Variants in CACNA1S observed in about 807,000 individuals in gnomAD.
CACNA1S encodes voltage-dependent L-type calcium channel subunit alpha-1S.
A neutral mutation model predicts 207.4 loss-of-function variants in CACNA1S; 126 were observed. The ratio of observed to expected loss-of-function variants is 0.61; its 90% CI spans 0.53 to 0.70. The LOEUF is 0.70. Ranked by LOEUF, CACNA1S falls within the 30% of genes least tolerant of loss-of-function variation. The pLI is 0.00. For synonymous variants in CACNA1S, 960 were observed against 932.7 expected, an observed-to-expected ratio of 1.03 and a Z score of -0.53; for missense variants, 2,349 against 2,422.8, an observed-to-expected ratio of 0.97 and a Z score of 0.64.
At position 201,112,251 on chromosome 1, in the gene CACNA1S, G is replaced by GCC; in HGVS notation, c.87_88dup (p.Ala30GlyfsTer6). ...GTTCTCCAGGGTCAGGCAGAACAAG[G>GCC]CCCGGGGTGGCCTTGGCAGAATCTC... On this transcript the variant is annotated frameshift_variant, in exon 1 of 44. Transcript: ENST00000362061. LOFTEE classifies it high-confidence loss of function. The GCC allele has an allele frequency of 6.2e-7, 1 of 1,614,024 alleles. No individual in the cohort carries two copies. Among genetic ancestry groups the GCC allele is most frequent in the South Asian group, 1.1e-5 (1 of 91,082 alleles).
intron 2 of CACNA1S, 134 bp from the exon 3 acceptor site, chr1:201,094,155 G>A: frequency 1.0e-6 from 1 of 969,348 alleles, no homozygotes; most frequent in Non-Finnish European, 1.6e-6. Flanking sequence ...CTTGCTGATG[G>A]AATGCCTACC....
At chr1:201,074,765 G>T in intron 13 of CACNA1S, 145 bp from the exon 14 acceptor site, 1 of 711,540 alleles carries the variant, frequency 1.4e-6, no homozygotes, top group Non-Finnish European at 2.6e-6. Context: ...GGACATAGTG[G>T]AAGGCCCTCA....
intron 16 of CACNA1S, 85 bp from the exon 17 acceptor site, chr1:201,070,489 C>A: frequency 6.3e-7 from 1 of 1,584,330 alleles, no homozygotes; most frequent in Non-Finnish European, 8.6e-7. Flanking sequence ...CTCCTAGGAG[C>A]CCCTGCAGCC....
rs556686664 is a variant in CACNA1S at position 201,108,268 on chromosome 1, G to T, written c.258+1896C>A. ...CAAGAGGCATGCACCACCAGGCCCC[G>T]CTAATTCAATTTTTGTAGAGACGGG... On this transcript the variant is annotated intron_variant, in intron 2 of 43. Transcript: ENST00000362061. Among the ~76,000 whole-genome samples, 280 of 152,114 alleles carry T rather than the reference G, an allele frequency of 1.8e-3. 1 individual carries two copies. Among genetic ancestry groups the T allele is most frequent in the African/African-American group, 6.5e-3 (271 of 41,478 alleles).
rs148724065 is a variant in CACNA1S at position 201,043,405 on chromosome 1, C to T, written c.4924G>A (p.Val1642Ile). The T allele has an allele frequency of 6.2e-6, 10 of 1,614,040 alleles. No individual in the cohort carries two copies. In the African/African-American group the frequency reaches 1.3e-4, roughly 22 times the overall value. Reference sequence around the variant, plus strand: ...TCTTGTGGGAAGTCCTCCAAGAAGACAGGTGACTCCATCTCTTCCATCTCT... The same window carrying T: ...TCTTGTGGGAAGTCCTCCAAGAAGATAGGTGACTCCATCTCTTCCATCTCT... ...EIEMEEMESP[V>I]FLEDFPQDPR... Residue 1642 changes from valine (V) to isoleucine (I), a missense_variant, in exon 40 of 44, where the codon GTC (valine) becomes ATC (isoleucine). Transcript: ENST00000362061.
intron 6 of CACNA1S, among the ~76,000 whole-genome samples, chr1:201,088,784 G>A (rs1662120831): frequency 6.6e-6 from 1 of 152,184 alleles, no homozygotes; most frequent in African/African-American, 2.4e-5. Flanking sequence ...TTGACTGTGT[G>A]CCGGGCACTG....
chr1:201,095,522 GAAACCTCCAA>G (rs1662392747), intron 2 of CACNA1S, among the ~76,000 whole-genome samples: 1 of 152,196 alleles, frequency 6.6e-6, no homozygotes, highest in African/African-American at 2.4e-5. Flanking sequence ...TATGGCTCCA[GAAACCTCCAA>G]ACTTGTCATT....
rs1206136692 is a variant in CACNA1S at position 201,048,627 on chromosome 1, T to C, written c.4396A>G (p.Thr1466Ala). The C allele has an allele frequency of 2.5e-6, 4 of 1,613,946 alleles. No homozygotes were observed. The highest frequency in any genetic ancestry group is 3.4e-6 in the Non-Finnish European group (4 of 1,180,018). ...GCCGTGCGGACCAGGGCAAAGAGTGTGGCATTGAAGGTGACTGTGCCGTCG... is the reference window on the plus strand; with the variant it reads ...GCCGTGCGGACCAGGGCAAAGAGTGCGGCATTGAAGGTGACTGTGCCGTCG... Reference protein sequence around the residue: ...NSDGTVTFNATLFALVRTALK... With the variant: ...NSDGTVTFNAALFALVRTALK... Residue 1466 changes from threonine (T) to alanine (A), a missense_variant, in exon 36 of 44, where the codon ACA becomes GCA. Coordinates refer to ENST00000362061, the MANE Select transcript of CACNA1S (RefSeq NM_000069.3).
intron 16 of CACNA1S, among the ~76,000 whole-genome samples, chr1:201,070,831 T>C (rs1661417669): frequency 6.6e-6 from 1 of 152,118 alleles, no homozygotes; most frequent in Non-Finnish European, 1.5e-5. Context: ...TTCCTTAGCG[T>C]CAGTTTCCAA....
At position 201,081,843 on chromosome 1, in the gene CACNA1S, TTCTC is replaced by T. The variant is rs367993748; in HGVS notation, c.1393+1315_1393+1318del. On this transcript the variant is annotated intron_variant, in intron 10 of 43. Transcript: ENST00000362061. ...TGTGTGGCACCTCCCCTCCCACTCTTTCTCTCTCTTGCTCCTGCTTTCGCCATGT... is the reference window on the plus strand; with the variant it reads ...TGTGTGGCACCTCCCCTCCCACTCTTTCTCTTGCTCCTGCTTTCGCCATGT... Among the ~76,000 whole-genome samples the T allele has an allele frequency of 1.4e-3, 206 of 152,300 alleles. 1 individual carries two copies. Among genetic ancestry groups the T allele is most frequent in the African/African-American group, 4.9e-3 (205 of 41,564 alleles).
Position 201,081,308 on chromosome 1 carries a change from TAA to T in CACNA1S, c.1393+1852_1393+1853del, listed in dbSNP as rs886512635. Reference sequence around the variant, plus strand: ...TGGGTCACTTCTTTGTTTCTGCCACTAAAAGACTTCCTTTTCATTCCAGGAAA... The same window carrying T: ...TGGGTCACTTCTTTGTTTCTGCCACTAAGACTTCCTTTTCATTCCAGGAAA... On this transcript the variant is annotated intron_variant, in intron 10 of 43. Coordinates refer to ENST00000362061, the MANE Select transcript of CACNA1S (RefSeq NM_000069.3). Among the ~76,000 whole-genome samples, 4 of 152,380 alleles carry T rather than the reference TAA, an allele frequency of 2.6e-5. No individual in the cohort carries two copies. In the East Asian group the frequency reaches 7.7e-4, roughly 29 times the overall value.
At chr1:201,095,105 C>T (rs374940232) in intron 2 of CACNA1S, among the ~76,000 whole-genome samples, 23 of 150,508 alleles carry the variant, frequency 1.5e-4, no homozygotes, top group East Asian at 7.8e-4. Context: ...GCCTGCAGCA[C>T]GGCACAGCTC....
Position 201,053,685 on chromosome 1 carries a change from T to C in CACNA1S, c.3667-98A>G. ...AGGTGCACTGTGTGTTTTGGGGAGA[T>C]GTTTGTGGCATGGAGGAACTCCAGC... On this transcript the variant is annotated intron_variant, in intron 29 of 43. Transcript: ENST00000362061. The surrounding 1 kb of genome is among the most constrained non-coding windows in gnomAD (Gnocchi z 5.1). 2 of 1,316,434 alleles carry C rather than the reference T, an allele frequency of 1.5e-6. No individual in the cohort carries two copies. Among genetic ancestry groups the C allele is most frequent in the Admixed American group, 2.0e-5 (1 of 50,616 alleles). 81.5% of individuals were successfully genotyped at this position (1,316,434 alleles called of 1,614,324 possible).
In CACNA1S at chr1:201,077,991, C is replaced by G; in HGVS notation, c.1507G>C (p.Val503Leu). 1.2e-6 allele frequency: 2 copies of G among 1,614,138 alleles called. No individual in the cohort carries two copies. Among genetic ancestry groups the G allele is most frequent in the Non-Finnish European group, 1.7e-6 (2 of 1,179,962 alleles). Residue 503 changes from valine (V) to leucine (L), a missense_variant, in exon 11 of 44, where the codon GTG (valine) becomes CTG (leucine). By Grantham distance (32) the Val-to-Leu change is conservative. Coordinates refer to ENST00000362061, the MANE Select transcript of CACNA1S (RefSeq NM_000069.3). ...ATCTCCAGGATACCGCTACACACCA[C>G]GAAGCAGTCGAAGCGGTTGAAGATA... is the stretch of plus-strand genomic sequence containing the variant. ...MSIFNRFDCF[V>L]VCSGILEILL...
chr1:201,076,451 T>C (rs1661626906), intron 12 of CACNA1S, among the ~76,000 whole-genome samples: 1 of 152,266 alleles, frequency 6.6e-6, no homozygotes, highest in Non-Finnish European at 1.5e-5. Flanking sequence ...AGCTTCTCAC[T>C]GGGCCACAGC....
At chr1:201,085,408 G>A in intron 8 of CACNA1S, 28 bp downstream of exon 8, 1 of 1,613,910 alleles carries the variant, frequency 6.2e-7, no homozygotes, top group South Asian at 1.1e-5. Flanking sequence ...AGTGGGGTGA[G>A]TGCTGACCAC....
chr1:201,077,031 G>T lies in CACNA1S; in HGVS notation c.1716C>A (p.Ile572=). The change falls in exon 12 of 44, where the codon ATC becomes ATA. Residue 572 remains isoleucine, a synonymous_variant. Coordinates refer to ENST00000362061, the MANE Select transcript of CACNA1S (RefSeq NM_000069.3). ...AGAGCTGCATGCCCAGGAGGGCGAAGATGACGATGAAGAGGAAGAGCAGCA... is the reference window on the plus strand; with the variant it reads ...AGAGCTGCATGCCCAGGAGGGCGAATATGACGATGAAGAGGAAGAGCAGCA... The part of the protein sequence containing the change: ...LLLLLFLFIV[I]FALLGMQLFG... 2 of 1,614,190 alleles carry T rather than the reference G, an allele frequency of 1.2e-6. No individual in the cohort carries two copies. The highest frequency in any genetic ancestry group is 1.7e-6 in the Non-Finnish European group (2 of 1,180,032).
chr1:201,044,511 A>G, intron 38 of CACNA1S, 55 bp from the exon 39 acceptor site: 2 of 1,596,714 alleles, frequency 1.3e-6, no homozygotes, highest in Non-Finnish European at 1.7e-6. Flanking sequence ...GGAGACCAGA[A>G]CCACTTTTTC....
intron 9 of CACNA1S, among the ~76,000 whole-genome samples, chr1:201,084,588 G>C (rs1156309639): frequency 6.6e-6 from 1 of 152,184 alleles, no homozygotes; most frequent in African/African-American, 2.4e-5. Flanking sequence ...AGCCTCTGCT[G>C]TGTACACTTT....
Sources: gnomAD v4.1 joint callset for allele counts (sites outside exome capture counted in the v4.1 genomes callset) on GRCh38, gnomAD v4.1.1 for gene constraint, Gnocchi (gnomAD v3.1) non-coding constraint, MANE v1.5 for transcripts, NCBI Gene and HGNC (gene_info 2026-07-23, HGNC 2026-07-21) for gene names.